Variants in ZNF718 observed in about 807,000 individuals in gnomAD.
ZNF718 encodes zinc finger protein 718.
In ZNF718, 3 loss-of-function variants were observed where a neutral mutation model predicts 2.6. The observed-to-expected ratio is 1.16, with a 90% CI of 0.53 to 3.01. The LOEUF is 3.01. ZNF718 is among the 30% of genes most tolerant of loss of function. ZNF718 has a pLI of 0.03. For synonymous variants in ZNF718, 135 were observed against 77.9 expected (o/e 1.73, Z -3.86); for missense variants, 468 against 230.0 (o/e 2.03, Z -6.69).
intron 3 of ZNF718, among the ~76,000 whole-genome samples, chr4:157,103 C>CTTTTTTTTTTT (rs199814257): frequency 2.6e-4 from 27 of 103,090 alleles, no homozygotes; most frequent in Non-Finnish European, 3.7e-4. Context: ...TTCTTTCTTT[C>CTTTTTTTTTTT]TTTTTTTTTT....
intron 3 of ZNF718, among the ~76,000 whole-genome samples, chr4:143,833 C>A (rs574097853): frequency 1.3e-3 from 205 of 152,170 alleles, no homozygotes; most frequent in Non-Finnish European, 2.5e-3. Context: ...CAGAACAGGG[C>A]GAGAGTACTG....
rs1715238612 is a variant in ZNF718 at position 126,786 on chromosome 4, T to C, written c.3+2113T>C. ...ATAACAAAACATTTTCTTGCTGTTC[T>C]ATTATGGTGGAAAATTTTTTTAGGA... On this transcript the variant is annotated intron_variant, in intron 1 of 3. Transcript: ENST00000510175. Among the ~76,000 whole-genome samples, 4 of 152,172 alleles carry C rather than the reference T, an allele frequency of 2.6e-5. No homozygotes were observed. The South Asian group carries it at 8.3e-4, about 31-fold the overall frequency.
At chr4:180,987 A>G (rs782473782) in intron 3 of ZNF718, among the ~76,000 whole-genome samples, 1 of 152,042 alleles carries the variant, frequency 6.6e-6, no homozygotes, top group Non-Finnish European at 1.5e-5. Flanking sequence ...GATTCTGTTC[A>G]AAAAGCAAAT....
chr4:147,238 G>C (rs1418333673), intron 3 of ZNF718, among the ~76,000 whole-genome samples: 1 of 152,140 alleles, frequency 6.6e-6, no homozygotes, highest in African/African-American at 2.4e-5. Context: ...TTTTAGATCT[G>C]TGTTTTATTG....
rs1716714164 is a variant in ZNF718, at chr4:159,155, G to C, written c.227-1757G>C. Among the ~76,000 whole-genome samples, 7 of 151,178 alleles carry C rather than the reference G, an allele frequency of 4.6e-5. No homozygotes were observed. The South Asian group carries it at 1.3e-3, about 27-fold the overall frequency. ...GGGTTCAAGCAATTCTTTTGCCTCAGCCTCCCGAGTAGCTGGGACTACAGG... is the reference window on the plus strand; with the variant it reads ...GGGTTCAAGCAATTCTTTTGCCTCACCCTCCCGAGTAGCTGGGACTACAGG... On this transcript the variant is annotated intron_variant, in intron 3 of 3. Transcript: ENST00000510175.
intron 3 of ZNF718, among the ~76,000 whole-genome samples, chr4:147,642 T>C (rs1716126035): frequency 6.6e-6 from 1 of 151,902 alleles, no homozygotes; most frequent in Non-Finnish European, 1.5e-5. Context: ...GGCAGGTGAA[T>C]TGCCTCAGCT....
intron 3 of ZNF718, among the ~76,000 whole-genome samples, chr4:192,941 G>A (rs1553821452): frequency 6.6e-6 from 1 of 152,150 alleles, no homozygotes; most frequent in African/African-American, 2.4e-5. Context: ...AGTAAATAAT[G>A]ATTTGGCCAT....
rs33957522 is a variant in ZNF718 at position 148,610 on chromosome 4, CAAAA to C, written c.227-12282_227-12279del. Among the ~76,000 whole-genome samples, 123 of 74,504 alleles carry C rather than the reference CAAAA, an allele frequency of 1.7e-3. 1 individual carries two copies. Among genetic ancestry groups the C allele is most frequent in the African/African-American group, 5.3e-3 (102 of 19,336 alleles). 48.9% of individuals were successfully genotyped at this position (74,504 alleles called of 152,430 possible). On this transcript the variant is annotated intron_variant, in intron 3 of 3. Coordinates refer to ENST00000510175, the MANE Select transcript of ZNF718 (RefSeq NM_001039127.6). ...AAGGTGACAGAGTGAGACTCTGTCT[CAAAA>C]AAAAAAAAAAAAAAAAAAATCCACC... is the stretch of plus-strand genomic sequence containing the variant.
At chr4:181,382 T>A (rs1436840095) in intron 3 of ZNF718, among the ~76,000 whole-genome samples, 1 of 151,898 alleles carries the variant, frequency 6.6e-6, no homozygotes, top group Non-Finnish European at 1.5e-5. Context: ...TTATAAAAAT[T>A]TACTCTAATT....
At chr4:165,096 C>T (rs548928992), downstream of ZNF718, among the ~76,000 whole-genome samples, 15 of 152,266 alleles carry the variant, frequency 9.9e-5, no homozygotes, top group East Asian at 2.7e-3. Flanking sequence ...TGTTCATCCT[C>T]AGCTGTGTGT....
chr4:195,572 A>C (rs1312687184), intron 3 of ZNF718, among the ~76,000 whole-genome samples: 1 of 149,764 alleles, frequency 6.7e-6, no homozygotes, highest in Non-Finnish European at 1.5e-5. Flanking sequence ...TGAGTTAGTG[A>C]GCTACGTTTT....
chr4:165,717 T>C (rs1468903976), downstream of ZNF718, among the ~76,000 whole-genome samples: 12 of 152,204 alleles, frequency 7.9e-5, no homozygotes, highest in African/African-American at 2.9e-4. Flanking sequence ...GAGAATTGCT[T>C]GAACCCGGGA....
Position 135,022 on chromosome 4 carries a change from T to C in ZNF718, c.226+3517T>C, listed in dbSNP as rs1343074257. Among the ~76,000 whole-genome samples, 3 of 152,112 alleles carry C rather than the reference T, an allele frequency of 2.0e-5. No homozygotes were observed. In the East Asian group the frequency reaches 5.8e-4, roughly 29 times the overall value. The stretch of plus-strand genomic sequence containing the variant: ...ACTTTGGGAGGCTAAGGTGGGTGGA[T>C]CACAAGGTCAAGAGATCAAGACCAT... On this transcript the variant is annotated intron_variant, in intron 3 of 3. Coordinates refer to ENST00000510175, the MANE Select transcript of ZNF718 (RefSeq NM_001039127.6).
intron 3 of ZNF718, among the ~76,000 whole-genome samples, chr4:141,096 T>C (rs1289304506): frequency 6.6e-6 from 1 of 152,216 alleles, no homozygotes; most frequent in Non-Finnish European, 1.5e-5. Flanking sequence ...ATTTTTTGTT[T>C]TTTAGGGTTT....
chr4:180,539 A>G (rs1717444012), intron 3 of ZNF718, among the ~76,000 whole-genome samples: 1 of 152,232 alleles, frequency 6.6e-6, no homozygotes, highest in African/African-American at 2.4e-5. Flanking sequence ...CAGTGTGGAA[A>G]AAGCCCAACT....
chr4:173,616 A>G (rs1553818538), intron 3 of ZNF718, among the ~76,000 whole-genome samples: 2 of 152,160 alleles, frequency 1.3e-5, no homozygotes, highest in African/African-American at 4.8e-5. Context: ...TTTTGACAGC[A>G]AAGGATACTT....
chr4:159,325 T>G (rs1716723080), intron 3 of ZNF718, among the ~76,000 whole-genome samples: 1 of 152,124 alleles, frequency 6.6e-6, no homozygotes, highest in Non-Finnish European at 1.5e-5. Flanking sequence ...TCTGAGCCAC[T>G]GTGCCTGGCC....
chr4:175,660 G>A lies in ZNF718; in HGVS notation c.227-25421G>A, dbSNP rs549902978. Among the ~76,000 whole-genome samples the A allele has an allele frequency of 2.1e-4, 32 of 152,044 alleles. No individual in the cohort carries two copies. The South Asian group carries it at 5.4e-3, about 26-fold the overall frequency. On this transcript the variant is annotated intron_variant and NMD_transcript_variant, in intron 3 of 4. Coordinates refer to the ZNF718 transcript ENST00000642529. Reference sequence around the variant, plus strand: ...ATTTTACTTTTGGTTGCTTTAGTGCGTCAGCAATGTTAGTAATATTTTGAT... The same window carrying A: ...ATTTTACTTTTGGTTGCTTTAGTGCATCAGCAATGTTAGTAATATTTTGAT...
In ZNF718 at chr4:163,440, G is replaced by A. The variant is rs1030784391; in HGVS notation, c.*1318G>A. 5.3e-5 allele frequency: 8 copies of A among 152,072 alleles called. No homozygotes were observed. The highest frequency in any genetic ancestry group is 1.2e-4 in the Non-Finnish European group (8 of 68,036). 9.4% of individuals were successfully genotyped at this position (152,072 alleles called of 1,614,324 possible). A position where few individuals can be genotyped will look rare whatever the true frequency, so the allele number is the denominator to read the frequency against. ...CCTGACCTCGTGATCCGCCCGCCTC[G>A]GCCTCCCAAAGTGCTGGGATTACAG... On this transcript the variant is annotated 3_prime_UTR_variant, in exon 4 of 4. Transcript: ENST00000510175.
Sources: gnomAD v4.1 joint callset for allele counts (sites outside exome capture counted in the v4.1 genomes callset) on GRCh38, gnomAD v4.1.1 for gene constraint, MANE v1.5 for transcripts, NCBI Gene and HGNC (gene_info 2026-07-23, HGNC 2026-07-21) for gene names.